MARS1: variants seen among roughly 807,000 people sequenced by gnomAD.
The protein encoded by MARS1 is methionine--tRNA ligase, cytoplasmic.
A neutral mutation model predicts 119.5 loss-of-function variants in MARS1; 80 were observed. The ratio of observed to expected loss-of-function variants is 0.67; its 90% CI spans 0.56 to 0.81. MARS1 has a LOEUF of 0.81. Among genes scored for constraint, MARS1 ranks in the 30% least tolerant of loss-of-function variants. MARS1 has a pLI of 0.00. For missense variants in MARS1, 945 were observed against 1,116.5 expected, an observed-to-expected ratio of 0.85 and a Z score of 2.19; for synonymous variants, 418 against 433.4, an observed-to-expected ratio of 0.96 and a Z score of 0.44.
intron 6 of MARS1, 24 bp from the exon 7 acceptor site, chr12:57,490,514 A>G: frequency 6.2e-7 from 1 of 1,613,236 alleles, no homozygotes; most frequent in Non-Finnish European, 8.5e-7. Context: ...TCACCTGGTA[A>G]GGGATTCTCT....
At chr12:57,493,885 AATATATAT>A (rs1252230233) in intron 7 of MARS1, among the ~76,000 whole-genome samples, 549 of 48,456 alleles carry the variant, frequency 0.011, 30 homozygotes, top group African/African-American at 0.023. Flanking sequence ...TATAATATAT[AATATATAT>A]TTATGTTATA....
intron 7 of MARS1, 97 bp from the exon 8 acceptor site, chr12:57,498,060 A>G (rs772666627): frequency 1.2e-5 from 9 of 782,148 alleles, no homozygotes; most frequent in Non-Finnish European, 2.0e-5. Flanking sequence ...AACACATGAC[A>G]GTAGAACAAA....
intron 3 of MARS1, 24 bp downstream of exon 3, chr12:57,489,369 T>A (rs964141660): frequency 1.2e-6 from 2 of 1,614,008 alleles, no homozygotes; most frequent in Non-Finnish European, 1.7e-6. Flanking sequence ...ATGGGGGATG[T>A]CAGGCAGGCC....
At chr12:57,491,184 T>C (rs1445945386) in intron 7 of MARS1, among the ~76,000 whole-genome samples, 2 of 152,090 alleles carry the variant, frequency 1.3e-5, no homozygotes, top group Non-Finnish European at 2.9e-5. Context: ...GCACCCATGT[T>C]TTTCAGCTAC....
At chr12:57,488,708 C>T (rs1703088343) in intron 1 of MARS1, 1 of 1,483,050 alleles carries the variant, frequency 6.7e-7, no homozygotes, top group Admixed American at 2.0e-5. Flanking sequence ...CTGTGACCTT[C>T]AGATAATTAT....
At chr12:57,489,655 T>A (rs1875775677) in intron 4 of MARS1, 97 bp downstream of exon 4, 1 of 1,504,220 alleles carries the variant, frequency 6.6e-7, no homozygotes, top group Non-Finnish European at 9.1e-7. Flanking sequence ...ACACTGCCAC[T>A]TACTAGTAGT....
chr12:57,493,470 T>TATATA (rs1565640018), intron 7 of MARS1, among the ~76,000 whole-genome samples: 3 of 686 alleles, frequency 4.4e-3, no homozygotes, highest in Non-Finnish European at 0.011. Flanking sequence ...TAATATATAA[T>TATATA]ATATAATATA....
At chr12:57,509,860 C>T (rs1253872489) in intron 11 of MARS1, among the ~76,000 whole-genome samples, 1 of 152,218 alleles carries the variant, frequency 6.6e-6, no homozygotes, top group African/African-American at 2.4e-5. Context: ...AGCACATTTA[C>T]TTATTAGCTC....
chr12:57,489,264 C>G lies in MARS1; in HGVS notation c.201-3C>G. 1 of 1,613,656 alleles carries G rather than the reference C, an allele frequency of 6.2e-7. No homozygotes were observed. The highest frequency in any genetic ancestry group is 8.5e-7 in the Non-Finnish European group (1 of 1,179,948). Reference sequence around the variant, plus strand: ...CATCATCTGTTGCTCTCTCTCTGGGCAGATATTTTTTTTTGTTATCTGGCT... The same window carrying G: ...CATCATCTGTTGCTCTCTCTCTGGGGAGATATTTTTTTTTGTTATCTGGCT... On this transcript the variant is annotated splice_polypyrimidine_tract_variant and splice_region_variant and intron_variant, in intron 2 of 20. Coordinates refer to ENST00000262027, the MANE Select transcript of MARS1 (RefSeq NM_004990.4).
chr12:57,501,654 T>C (rs1424149346), intron 10 of MARS1, among the ~76,000 whole-genome samples: 2 of 152,042 alleles, frequency 1.3e-5, no homozygotes, highest in Admixed American at 6.6e-5. Flanking sequence ...ACCCTGTCTC[T>C]ACTAAAAAAA....
Position 57,516,646 on chromosome 12 carries a change from CTA to C in MARS1, c.*70_*71del. The C allele has an allele frequency of 6.5e-7, 1 of 1,527,646 alleles. No individual in the cohort carries two copies. Among genetic ancestry groups the C allele is most frequent in the East Asian group, 2.3e-5 (1 of 44,168 alleles). The allele number at this position is 1,527,646 out of a possible 1,614,324, so 94.6% of individuals were successfully genotyped here. A position where few individuals can be genotyped will look rare whatever the true frequency, so the allele number is the denominator to read the frequency against. On this transcript the variant is annotated 3_prime_UTR_variant, in exon 21 of 21. Transcript: ENST00000262027. ...ACAGTAATAAATAAATGTACAATCT[CTA>C]TATACAAGCTGAGACCTTTCCTTTT...
intron 11 of MARS1, among the ~76,000 whole-genome samples, chr12:57,510,799 G>T (rs1481919376): frequency 1.3e-5 from 2 of 151,950 alleles, no homozygotes; most frequent in East Asian, 3.9e-4. Flanking sequence ...TGGGCACGGT[G>T]GCTTATGCCT....
chr12:57,513,317 G>C (rs1240961697), intron 15 of MARS1, among the ~76,000 whole-genome samples: 1 of 152,088 alleles, frequency 6.6e-6, no homozygotes, highest in Non-Finnish European at 1.5e-5. Flanking sequence ...ATTTTGGTGT[G>C]GGGGTAGGAG....
intron 10 of MARS1, among the ~76,000 whole-genome samples, chr12:57,502,936 G>C (rs1876999240): frequency 6.6e-6 from 1 of 151,156 alleles, no homozygotes; most frequent in South Asian, 2.1e-4. Flanking sequence ...CGAGGCTGGA[G>C]AATCGCTTGA....
intron 11 of MARS1, among the ~76,000 whole-genome samples, chr12:57,511,099 G>C (rs1002910951): frequency 6.6e-6 from 1 of 150,980 alleles, no homozygotes; most frequent in African/African-American, 2.4e-5. Flanking sequence ...CTCTGCACAA[G>C]AATGACATGC....
intron 9 of MARS1, 26 bp from the exon 10 acceptor site, chr12:57,500,293 CTT>C: frequency 6.2e-7 from 1 of 1,607,858 alleles, no homozygotes. Context: ...CTGACTGTCT[CTT>C]CCTGATCCCT....
intron 7 of MARS1, among the ~76,000 whole-genome samples, chr12:57,496,028 G>A (rs1395880268): frequency 6.6e-6 from 1 of 152,052 alleles, no homozygotes; most frequent in Non-Finnish European, 1.5e-5. Flanking sequence ...ACAGGGAGAG[G>A]GAGCAATTTT....
intron 10 of MARS1, among the ~76,000 whole-genome samples, chr12:57,502,242 A>G (rs1876950019): frequency 6.6e-6 from 1 of 152,138 alleles, no homozygotes; most frequent in African/African-American, 2.4e-5. Context: ...GTGAGTGAGG[A>G]GAACAGGCTT....
chr12:57,488,908 G>A (rs1875690584), intron 1 of MARS1, 111 bp from the exon 2 acceptor site: 1 of 905,950 alleles, frequency 1.1e-6, no homozygotes, highest in Non-Finnish European at 1.7e-6. Flanking sequence ...GGTTGAGACT[G>A]CCCATCTTTC....
Sources: allele counts gnomAD v4.1 joint callset (sites outside exome capture counted in the v4.1 genomes callset), GRCh38; gene constraint gnomAD v4.1.1; transcripts MANE v1.5; gene names NCBI Gene and HGNC (gene_info 2026-07-23, HGNC 2026-07-21).